The following CEP112 variants were observed in gnomAD, a reference collection of about 807,000 sequenced individuals.
CEP112 encodes the protein centrosomal protein of 112 kDa.
CEP112 carries 127 observed loss-of-function variants against 153.0 expected under a neutral mutation model. The ratio of observed to expected loss-of-function variants is 0.83; its 90% CI spans 0.72 to 0.96. The LOEUF is 0.96. Among genes scored for constraint, CEP112 ranks in the 40% least tolerant of loss-of-function variants. CEP112 has a pLI of 0.00. For synonymous variants in CEP112, 358 were observed against 374.4 expected (o/e 0.96, Z 0.51); for missense variants, 1,089 against 1,101.2 (o/e 0.99, Z 0.16).
chr17:65,811,249 C>A (rs1001148941), intron 21 of CEP112, among the ~76,000 whole-genome samples: 1 of 152,052 alleles, frequency 6.6e-6, no homozygotes, highest in Non-Finnish European at 1.5e-5. Context: ...GGCAAGGAAG[C>A]TGAGAGTAGT....
At chr17:65,668,265 T>C (rs564762388) in intron 24 of CEP112, among the ~76,000 whole-genome samples, 1 of 152,290 alleles carries the variant, frequency 6.6e-6, no homozygotes, top group East Asian at 1.9e-4. Context: ...GGGCCAATGT[T>C]TATTTTGTTT....
At chr17:65,952,992 T>C (rs916211630) in intron 18 of CEP112, among the ~76,000 whole-genome samples, 2 of 152,184 alleles carry the variant, frequency 1.3e-5, no homozygotes, top group African/African-American at 4.8e-5. Flanking sequence ...TTCTAAGATT[T>C]CTTTTACATT....
chr17:65,831,346 A>G (rs2057071466), intron 21 of CEP112, among the ~76,000 whole-genome samples: 1 of 152,174 alleles, frequency 6.6e-6, no homozygotes, highest in Non-Finnish European at 1.5e-5. Context: ...TCACGAGGTC[A>G]GGACATCAAG....
chr17:65,681,675 A>AC (rs570175916), intron 24 of CEP112, among the ~76,000 whole-genome samples: 2 of 133,472 alleles, frequency 1.5e-5, no homozygotes, highest in Non-Finnish European at 3.2e-5. Context: ...CCTTTTTTTA[A>AC]TTTTTTTTTT....
chr17:66,054,233 A>T (rs6504396), intron 11 of CEP112, among the ~76,000 whole-genome samples: 151,988 of 152,316 alleles, frequency 1, 75,832 homozygotes, highest in Non-Finnish European at 1. Flanking sequence ...ATAATATTGT[A>T]ACTAATTAGG....
chr17:66,103,604 C>T (rs957568666), intron 6 of CEP112, among the ~76,000 whole-genome samples: 1 of 152,126 alleles, frequency 6.6e-6, no homozygotes, highest in Non-Finnish European at 1.5e-5. Context: ...TAGCAATTTT[C>T]CCCGCAGCAT....
chr17:66,060,313 T>C (rs768581821), intron 11 of CEP112, among the ~76,000 whole-genome samples: 19 of 152,192 alleles, frequency 1.2e-4, no homozygotes, highest in South Asian at 6.2e-4. Flanking sequence ...AAAAATGAAA[T>C]AAAGTATCCA....
intron 4 of CEP112, among the ~76,000 whole-genome samples, chr17:66,160,775 A>G (rs537070191): frequency 1.3e-5 from 2 of 152,320 alleles, no homozygotes; most frequent in South Asian, 4.2e-4. Context: ...GGACATAGGT[A>G]TGGGCAAAGG....
chr17:66,181,348 CT>C (rs902963242), intron 2 of CEP112, among the ~76,000 whole-genome samples: 5 of 150,282 alleles, frequency 3.3e-5, no homozygotes, highest in South Asian at 2.1e-4. Context: ...ATGTACCTAA[CT>C]TTTTTTTTTC....
intron 6 of CEP112, among the ~76,000 whole-genome samples, chr17:66,114,982 A>T (rs2069218074): frequency 6.6e-6 from 1 of 152,138 alleles, no homozygotes; most frequent in Non-Finnish European, 1.5e-5. Context: ...AGGCAGATGG[A>T]TCACCTGAGG....
chr17:65,818,951 A>G (rs73344821), intron 21 of CEP112, among the ~76,000 whole-genome samples: 1,565 of 152,016 alleles, frequency 0.01, 34 homozygotes, highest in African/African-American at 0.036. Context: ...AGGGAAAAAA[A>G]TATGTTTCAT....
At chr17:65,769,452 A>C (rs1005502304) in intron 21 of CEP112, among the ~76,000 whole-genome samples, 1 of 152,088 alleles carries the variant, frequency 6.6e-6, no homozygotes, top group Non-Finnish European at 1.5e-5. Context: ...AAAGACCCCA[A>C]ATAGCCAATG....
intron 18 of CEP112, among the ~76,000 whole-genome samples, chr17:65,952,347 A>G (rs1599126509): frequency 6.6e-6 from 1 of 152,114 alleles, no homozygotes; most frequent in East Asian, 1.9e-4. Context: ...GGGAATTCTA[A>G]CAGGACTCAG....
At chr17:66,174,844 C>T (rs1220865112) in intron 4 of CEP112, among the ~76,000 whole-genome samples, 200 bp downstream of exon 4, 1 of 152,066 alleles carries the variant, frequency 6.6e-6, no homozygotes, top group Non-Finnish European at 1.5e-5. Flanking sequence ...TCAGGGACCA[C>T]TTGTCAAGCA....
At chr17:66,113,117 C>T (rs887495669) in intron 6 of CEP112, among the ~76,000 whole-genome samples, 2 of 148,046 alleles carry the variant, frequency 1.4e-5, no homozygotes, top group African/African-American at 2.6e-5. Context: ...TAGCCCAGTG[C>T]CATATACACA....
At chr17:66,037,370 C>T (rs531688502) in intron 12 of CEP112, among the ~76,000 whole-genome samples, 6 of 152,126 alleles carry the variant, frequency 3.9e-5, no homozygotes, top group African/African-American at 7.2e-5. Context: ...CCACCTCTCT[C>T]TCTCCTCTCC....
At chr17:65,976,637 ATTTG>A (rs2063042910) in intron 17 of CEP112, among the ~76,000 whole-genome samples, 1 of 151,660 alleles carries the variant, frequency 6.6e-6, no homozygotes, top group South Asian at 2.1e-4. Flanking sequence ...GTTCACCTGT[ATTTG>A]TTCTTAAAAA....
intron 24 of CEP112, among the ~76,000 whole-genome samples, chr17:65,657,904 A>G (rs1320070441): frequency 6.6e-6 from 1 of 152,226 alleles, no homozygotes; most frequent in Admixed American, 6.5e-5. Flanking sequence ...AAGGCTGAAC[A>G]AAGTTGTTGT....
chr17:66,183,075 G>T, intron 2 of CEP112, 119 bp downstream of exon 2: 3 of 660,114 alleles, frequency 4.5e-6, no homozygotes, highest in Non-Finnish European at 7.5e-6. Context: ...TATGTCAATG[G>T]CAAAAATTGT....
Sources: gnomAD v4.1 joint callset for allele counts (sites outside exome capture counted in the v4.1 genomes callset) on GRCh38, gnomAD v4.1.1 for gene constraint, MANE v1.5 for transcripts, NCBI Gene and HGNC (gene_info 2026-07-23, HGNC 2026-07-21) for gene names.